Variants in WDR27 observed in about 807,000 individuals in gnomAD.
WDR27 encodes WD repeat-containing protein 27.
Under a neutral mutation model 114.4 loss-of-function variants are expected in WDR27, and 100 were observed. That is an observed-to-expected ratio of 0.87 (90% confidence interval 0.74 to 1.03). WDR27 has a LOEUF of 1.03. Among genes scored for constraint, WDR27 ranks in the 50% least tolerant of loss-of-function variants. WDR27 has a pLI of 0.00. For missense variants in WDR27, 1,129 were observed against 1,092.9 expected (o/e 1.03, Z -0.47); for synonymous variants, 449 against 423.1 (o/e 1.06, Z -0.75).
chr6:169,651,184 G>GGGT (rs1822399191), intron 14 of WDR27, among the ~76,000 whole-genome samples: 1 of 92,524 alleles, frequency 1.1e-5, no homozygotes, highest in Non-Finnish European at 2.0e-5. Flanking sequence ...AGTGCGGGGC[G>GGGT]GGGGGGGGGA....
At chr6:169,615,645 G>C (rs956890291) in intron 21 of WDR27, among the ~76,000 whole-genome samples, 2 of 152,130 alleles carry the variant, frequency 1.3e-5, no homozygotes, top group Non-Finnish European at 2.9e-5. Context: ...AGATGGATTA[G>C]ACTTAAATGC....
In WDR27 at chr6:169,531,104, T is replaced by C. The variant is rs145594642; in HGVS notation, c.2645+41315A>G. Among the ~76,000 whole-genome samples, 251 of 152,356 alleles carry C rather than the reference T, an allele frequency of 1.6e-3. 3 individuals are homozygous for C. Among genetic ancestry groups the C allele is most frequent in the African/African-American group, 5.6e-3 (234 of 41,592 alleles). ...GGCCAGCCCTGTTCACCTGTTTTCA[T>C]GGCACTCATTAAATATGTGTTGAAT... On this transcript the variant is annotated intron_variant, in intron 25 of 25. Transcript: ENST00000448612.
At chr6:169,510,439 T>TCC (rs1792661281) in intron 25 of WDR27, among the ~76,000 whole-genome samples, 1 of 151,994 alleles carries the variant, frequency 6.6e-6, no homozygotes, top group Non-Finnish European at 1.5e-5. Context: ...CACCATGGAA[T>TCC]ACTATGCAGC....
At chr6:169,574,120 G>C (rs995646242) in intron 24 of WDR27, among the ~76,000 whole-genome samples, 5 of 152,408 alleles carry the variant, frequency 3.3e-5, no homozygotes, top group Non-Finnish European at 7.3e-5. Flanking sequence ...CGCAGCTGCA[G>C]TTCCTGGCAG....
intron 1 of WDR27, among the ~76,000 whole-genome samples, chr6:169,693,006 T>A (rs1369576764): frequency 6.6e-6 from 1 of 152,228 alleles, no homozygotes; most frequent in Non-Finnish European, 1.5e-5. Context: ...CCTGAGAAAT[T>A]CATCACAAAA....
chr6:169,520,503 G>A (rs1554279276), intron 25 of WDR27, among the ~76,000 whole-genome samples: 2 of 151,868 alleles, frequency 1.3e-5, no homozygotes, highest in South Asian at 2.1e-4. Context: ...ACATGCACAC[G>A]AAACAACAGC....
chr6:169,429,635 C>T, the WDR27 span, among the ~76,000 whole-genome samples: 2 of 152,184 alleles, frequency 1.3e-5, no homozygotes, highest in African/African-American at 4.8e-5. Context: ...TTTCTTATCC[C>T]GCTTTGCTAA....
intron 25 of WDR27, among the ~76,000 whole-genome samples, chr6:169,476,878 A>C (rs1787252473): frequency 6.6e-6 from 1 of 152,218 alleles, no homozygotes; most frequent in South Asian, 2.1e-4. Context: ...TCATCTGCAA[A>C]TAATGAGAGT....
intron 25 of WDR27, among the ~76,000 whole-genome samples, chr6:169,511,524 A>G (rs1199452648): frequency 2.7e-5 from 1 of 37,292 alleles, no homozygotes; most frequent in African/African-American, 1.3e-4. Context: ...TTAATCATAG[A>G]TCTGTATTAT....
chr6:169,646,132 G>A (rs1331521510), intron 16 of WDR27, among the ~76,000 whole-genome samples: 2 of 152,330 alleles, frequency 1.3e-5, no homozygotes, highest in Non-Finnish European at 2.9e-5. Flanking sequence ...ACTAACATCG[G>A]CATGGGGGTC....
intron 23 of WDR27, among the ~76,000 whole-genome samples, chr6:169,601,645 G>A (rs1252357200): frequency 6.6e-6 from 1 of 152,172 alleles, no homozygotes; most frequent in East Asian, 1.9e-4. Context: ...GAGTATTCTT[G>A]GGGCGAATGG....
chr6:169,603,284 G>A (rs1023411123), intron 22 of WDR27, among the ~76,000 whole-genome samples: 1 of 151,258 alleles, frequency 6.6e-6, no homozygotes, highest in Non-Finnish European at 1.5e-5. Context: ...AACCTGAACT[G>A]TAGTGTACTA....
intron 25 of WDR27, among the ~76,000 whole-genome samples, chr6:169,555,133 C>G (rs1798693272): frequency 6.6e-6 from 1 of 152,128 alleles, no homozygotes; most frequent in Admixed American, 6.5e-5. Context: ...CAGTGGCACA[C>G]AGGATATATA....
At chr6:169,654,565 A>G (rs1208738082) in intron 13 of WDR27, among the ~76,000 whole-genome samples, 1 of 152,204 alleles carries the variant, frequency 6.6e-6, no homozygotes, top group Non-Finnish European at 1.5e-5. Flanking sequence ...AGGGTCTCCA[A>G]AGGCTGGTGA....
At chr6:169,428,329 G>C in the WDR27 span, among the ~76,000 whole-genome samples, 2 of 152,122 alleles carry the variant, frequency 1.3e-5, no homozygotes, top group Non-Finnish European at 2.9e-5. Flanking sequence ...AGCCCAGCAA[G>C]TACTTTCAGA....
intron 25 of WDR27, among the ~76,000 whole-genome samples, chr6:169,522,613 A>G (rs532731009): frequency 4.2e-4 from 64 of 152,222 alleles, no homozygotes; most frequent in Non-Finnish European, 7.7e-4. Flanking sequence ...AATCATATCA[A>G]GTATCTTTTT....
At chr6:169,674,388 A>G (rs1779550160) in intron 2 of WDR27, among the ~76,000 whole-genome samples, 1 of 152,248 alleles carries the variant, frequency 6.6e-6, no homozygotes, top group Non-Finnish European at 1.5e-5. Context: ...AAGATATTTA[A>G]AAGTCCCAAA....
At chr6:169,477,835 G>C (rs779736375) in intron 25 of WDR27, among the ~76,000 whole-genome samples, 7 of 152,238 alleles carry the variant, frequency 4.6e-5, no homozygotes, top group Admixed American at 1.3e-4. Flanking sequence ...TTCATTCAAA[G>C]AGCTGTTCAT....
chr6:169,652,762 A>T (rs12527429), intron 13 of WDR27, among the ~76,000 whole-genome samples: 9,332 of 152,298 alleles, frequency 0.061, 520 homozygotes, highest in East Asian at 0.19. Flanking sequence ...TTCTTGCTAC[A>T]GAAAAGTTAT....
Sources: gnomAD v4.1 joint callset for allele counts (sites outside exome capture counted in the v4.1 genomes callset) on GRCh38, gnomAD v4.1.1 for gene constraint, MANE v1.5 for transcripts, NCBI Gene and HGNC (gene_info 2026-07-23, HGNC 2026-07-21) for gene names.